HSPG2: variants seen among roughly 807,000 people sequenced by gnomAD.
HSPG2 encodes basement membrane-specific heparan sulfate proteoglycan core protein.
In HSPG2, 278 loss-of-function variants were observed where a neutral mutation model predicts 526.6. That is an observed-to-expected ratio of 0.53 (90% CI 0.48 to 0.58). HSPG2 has a LOEUF of 0.58. Ranked by LOEUF, HSPG2 falls within the 20% of genes least tolerant of loss-of-function variation. The pLI, the probability that HSPG2 is intolerant of heterozygous loss-of-function variation, is 0.00. For missense variants in HSPG2, 5,354 were observed against 6,099.5 expected, an observed-to-expected ratio of 0.88 and a Z score of 4.07; for synonymous variants, 2,465 against 2,555.4, an observed-to-expected ratio of 0.96 and a Z score of 1.07.
At chr1:21,880,059 T>G (rs1315830573) in intron 17 of HSPG2, 48 bp downstream of exon 17, 1 of 1,605,630 alleles carries the variant, frequency 6.2e-7, no homozygotes, top group South Asian at 1.1e-5. Flanking sequence ...TCTCACACAT[T>G]GTCCCTTCTC....
intron 1 of HSPG2, among the ~76,000 whole-genome samples, chr1:21,911,678 G>A (rs1445013664): frequency 1.3e-5 from 2 of 152,200 alleles, no homozygotes; most frequent in Non-Finnish European, 2.9e-5. Context: ...GTGGGGAGGT[G>A]CAGGGCCGGG....
rs1639525583 is a variant in HSPG2 at position 21,858,572 on chromosome 1, T to C, written c.5293+994A>G. On this transcript the variant is annotated intron_variant, in intron 42 of 96. Transcript: ENST00000374695. The surrounding 1 kb of genome is among the most constrained non-coding windows in gnomAD (Gnocchi z 4.2). ...TGCCTGCCTGGTGGACTCAATGAGA[T>C]ATCTTCCCAAACATCTCAGACTCTA... Among the ~76,000 whole-genome samples, 2 of 152,240 alleles carry C rather than the reference T, an allele frequency of 1.3e-5. No homozygotes were observed. The highest frequency in any genetic ancestry group is 4.1e-4 in the South Asian group (2 of 4,836).
rs1178667992 is a variant in HSPG2, at chr1:21,876,050, C to G, written c.3004-8G>C. The G allele has an allele frequency of 1.2e-6, 2 of 1,613,710 alleles. No individual in the cohort carries two copies. The highest frequency in any genetic ancestry group is 3.3e-5 in the Admixed American group (2 of 60,034). On this transcript the variant is annotated splice_polypyrimidine_tract_variant and splice_region_variant and intron_variant, in intron 23 of 96. Transcript: ENST00000374695. ...TCCTCCATAGGAGGTCACCTGGGAC[C>G]AGGGTTAGACAGGAGCTTGCGGAGG...
In HSPG2 at chr1:21,839,132, G is replaced by A; in HGVS notation, c.9890-47C>T. On this transcript the variant is annotated intron_variant, in intron 73 of 96. Transcript: ENST00000374695. The surrounding 1 kb of genome is among the most constrained non-coding windows in gnomAD (Gnocchi z 4.5). ...TCAGGATTGGGGAGGGCAAAGGTCA[G>A]AATGGCAGCAGGTCGTTGGATCCAG... 1 of 1,551,424 alleles carries A rather than the reference G, an allele frequency of 6.4e-7. No homozygotes were observed. The highest frequency in any genetic ancestry group is 8.7e-7 in the Non-Finnish European group (1 of 1,146,446).
At position 21,823,460 on chromosome 1, in the gene HSPG2, G is replaced by A. The variant is rs778590896; in HGVS notation, c.13032C>T (p.Thr4344=). The A allele has an allele frequency of 2.1e-5, 34 of 1,596,174 alleles. No homozygotes were observed. In the Middle Eastern group the frequency reaches 8.2e-4, roughly 39 times the overall value. ...TGATGCCTGAGGAGAATCTGCCCCC[G>A]GTCAGCGTGGCCACGTCAGGGGCTC... is the stretch of plus-strand genomic sequence containing the variant. The part of the protein sequence containing the change: ...IGGAPDVATL[T]GGRFSSGITG... Residue 4344 remains threonine (T), a synonymous_variant, in exon 97 of 97, where the codon ACC becomes ACT. Transcript: ENST00000374695.
At chr1:21,928,801 G>A (rs934031438) in intron 1 of HSPG2, among the ~76,000 whole-genome samples, 5 of 151,224 alleles carry the variant, frequency 3.3e-5, no homozygotes, top group African/African-American at 9.7e-5. Flanking sequence ...TCAGGCTGGA[G>A]TGCAATGGCG....
At chr1:21,856,298 A>G (rs1639335249) in intron 44 of HSPG2, among the ~76,000 whole-genome samples, 1 of 152,186 alleles carries the variant, frequency 6.6e-6, no homozygotes, top group South Asian at 2.1e-4. Context: ...ACACTCTGCC[A>G]ACTCTCTAAC....
At chr1:21,885,222 C>T (rs1641799268) in intron 10 of HSPG2, 65 bp from the exon 11 acceptor site, 13 of 1,603,428 alleles carry the variant, frequency 8.1e-6, no homozygotes, top group East Asian at 6.7e-5. Flanking sequence ...AGGAGGGCTC[C>T]GAGGGGCTAG....
In HSPG2 at chr1:21,858,821, A is replaced by G. The variant is rs1639544182; in HGVS notation, c.5293+745T>C. ...ATGCTCCCAGAATAGGTCTCAGTCA[A>G]TGACTGACAGAAGCTGGCCTAGACA... On this transcript the variant is annotated intron_variant, in intron 42 of 96. Coordinates refer to ENST00000374695, the MANE Select transcript of HSPG2 (RefSeq NM_005529.7). The surrounding 1 kb of genome is among the most constrained non-coding windows in gnomAD (Gnocchi z 4.2). Among the ~76,000 whole-genome samples, 1 of 152,192 alleles carries G rather than the reference A, an allele frequency of 6.6e-6. No homozygotes were observed. The highest frequency in any genetic ancestry group is 2.1e-4 in the South Asian group (1 of 4,834).
At chr1:21,928,536 G>C (rs934107187) in intron 1 of HSPG2, among the ~76,000 whole-genome samples, 4 of 152,202 alleles carry the variant, frequency 2.6e-5, no homozygotes, top group African/African-American at 9.7e-5. Context: ...CGCTTCCCAG[G>C]TTCAAGCGAT....
chr1:21,875,232 C>T lies in HSPG2; in HGVS notation c.3303-230G>A, dbSNP rs183986454. ...CTGGAGAGGTTATACCACCTCGTTC[C>T]CCTGGGGTCCCCAATGACAGGCTGA... On this transcript the variant is annotated intron_variant, in intron 25 of 96. Transcript: ENST00000374695. 434 of 610,528 alleles carry T rather than the reference C, an allele frequency of 7.1e-4. 1 individual carries two copies. The highest frequency in any genetic ancestry group is 1.2e-3 in the Admixed American group (45 of 37,800). 37.8% of individuals were successfully genotyped at this position (610,528 alleles called of 1,614,324 possible). A position where few individuals can be genotyped will look rare whatever the true frequency, so the allele number is the denominator to read the frequency against.
rs1210431318 is a variant in HSPG2 at position 21,887,723 on chromosome 1, C to A, written c.704-49G>T. 3 of 1,612,208 alleles carry A rather than the reference C, an allele frequency of 1.9e-6. No homozygotes were observed. The highest frequency in any genetic ancestry group is 1.7e-6 in the Non-Finnish European group (2 of 1,178,616). On this transcript the variant is annotated intron_variant, in intron 7 of 96. Transcript: ENST00000374695. This position sits in a 1 kb window ranked among gnomAD's most constrained non-coding sequence, Gnocchi z 5.0. ...TTTGGCAGAAGCAGATGGCTCCTCA[C>A]CTGCTCCTTGTCCCCAACCCTCCCC... is the stretch of plus-strand genomic sequence containing the variant.
chr1:21,877,661 C>T (rs181769482), intron 21 of HSPG2: 1,616 of 158,160 alleles, frequency 0.01, 17 homozygotes, highest in Non-Finnish European at 0.014. Context: ...CCACGCCTGG[C>T]TAATTTTTGC....
rs760895767 is a variant in HSPG2, at chr1:21,855,662, G to T, written c.5715C>A (p.Gly1905=). The T allele has an allele frequency of 6.4e-7, 1 of 1,574,280 alleles. No individual in the cohort carries two copies. The highest frequency in any genetic ancestry group is 1.1e-5 in the South Asian group (1 of 87,054). ...PTLEWTGGPG[G]QLPAKAQIHG... ...GGATTTGTGCCTTCGCAGGGAGCTG[G>T]CCGCCGGGGCCCCCTGACGAGTAGA... The change falls in exon 46 of 97, where the codon GGC becomes GGA. Residue 1905 remains glycine (G), a synonymous_variant. Transcript: ENST00000374695.
chr1:21,847,572 C>T lies in HSPG2; in HGVS notation c.8026-80G>A, dbSNP rs2152713274. The T allele has an allele frequency of 6.2e-7, 1 of 1,606,400 alleles. No homozygotes were observed. Among genetic ancestry groups the T allele is most frequent in the African/African-American group, 1.3e-5 (1 of 74,932 alleles). ...ACCAGCTGGCTCAGGCCTTCCTGCT[C>T]AGCCTGTTGAGGCTGCTATCGGTCT... On this transcript the variant is annotated intron_variant, in intron 61 of 96. Coordinates refer to ENST00000374695, the MANE Select transcript of HSPG2 (RefSeq NM_005529.7). This position sits in a 1 kb window ranked among gnomAD's most constrained non-coding sequence, Gnocchi z 4.1.
chr1:21,891,615 GTTTCT>G (rs1642368802), intron 3 of HSPG2, among the ~76,000 whole-genome samples: 1 of 151,972 alleles, frequency 6.6e-6, no homozygotes, highest in African/African-American at 2.4e-5. Flanking sequence ...TGCATCTGTT[GTTTCT>G]TTTTTTTTTA....
Position 21,828,175 on chromosome 1 carries a change from G to A in HSPG2, c.12410-23C>T, listed in dbSNP as rs1241562107. On this transcript the variant is annotated intron_variant, in intron 89 of 96. Transcript: ENST00000374695. The surrounding 1 kb of genome is among the most constrained non-coding windows in gnomAD (Gnocchi z 6.0). ...CTCCTGTGGGCCAGGGCAGAGGCGA[G>A]TGGGTGGGTGGGCATGGGCTGGAGG... The A allele has an allele frequency of 7.5e-6, 12 of 1,610,102 alleles. No homozygotes were observed. Among genetic ancestry groups the A allele is most frequent in the East Asian group, 2.2e-5 (1 of 44,810 alleles).
rs767273920 is a variant in HSPG2, at chr1:21,865,243, G to A, written c.4395+42C>T. On this transcript the variant is annotated intron_variant, in intron 35 of 96. Coordinates refer to ENST00000374695, the MANE Select transcript of HSPG2 (RefSeq NM_005529.7). This position sits in a 1 kb window ranked among gnomAD's most constrained non-coding sequence, Gnocchi z 5.4. Reference sequence around the variant, plus strand: ...AGCCAGGCTCTGAGTCAGGGTGGAGGGTGGGGTGGGGTTAGACACAGCATG... The same window carrying A: ...AGCCAGGCTCTGAGTCAGGGTGGAGAGTGGGGTGGGGTTAGACACAGCATG... 7 of 1,585,842 alleles carry A rather than the reference G, an allele frequency of 4.4e-6. No individual in the cohort carries two copies. The highest frequency in any genetic ancestry group is 6.1e-6 in the Non-Finnish European group (7 of 1,154,208).
rs547101545 is a variant in HSPG2 at position 21,842,822 on chromosome 1, T to C, written c.8858A>G (p.His2953Arg). 2 of 1,613,888 alleles carry C rather than the reference T, an allele frequency of 1.2e-6. No homozygotes were observed. Among genetic ancestry groups the C allele is most frequent in the East Asian group, 4.5e-5 (2 of 44,892 alleles). Reference protein sequence around the residue: ...DLNCVVPGQAHAQVTWYKRGG... With the variant: ...DLNCVVPGQARAQVTWYKRGG... ...GCGCTTGTACCACGTGACCTGGGCA[T>C]GGGCCTGCCCGGGCACCACACAGTT... Residue 2953 changes from histidine to arginine, a missense_variant, in exon 67 of 97, where the codon CAT (histidine) becomes CGT (arginine). Physicochemically the swap from His to Arg is conservative, Grantham distance 29 (BLOSUM62 0). Coordinates refer to ENST00000374695, the MANE Select transcript of HSPG2 (RefSeq NM_005529.7).
Sources: allele counts gnomAD v4.1 joint callset (sites outside exome capture counted in the v4.1 genomes callset), GRCh38; gene constraint gnomAD v4.1.1; non-coding constraint Gnocchi (gnomAD v3.1); transcripts MANE v1.5; gene names NCBI Gene and HGNC (gene_info 2026-07-23, HGNC 2026-07-21).